PLD5: variants seen among roughly 807,000 people sequenced by gnomAD.
The protein encoded by PLD5 is phospholipase D family member 5.
Under a neutral mutation model 61.1 loss-of-function variants are expected in PLD5, and 36 were observed. The observed-to-expected ratio is 0.59, with a 90% CI of 0.45 to 0.78. PLD5 has a LOEUF of 0.78. Among genes scored for constraint, PLD5 ranks in the 30% least tolerant of loss-of-function variants. The pLI, the probability that PLD5 is intolerant of heterozygous loss-of-function variation, is 0.00. For synonymous variants in PLD5, 243 were observed against 242.8 expected, an observed-to-expected ratio of 1.00 and a Z score of -0.01; for missense variants, 515 against 644.4, an observed-to-expected ratio of 0.80 and a Z score of 2.17.
intron 1 of PLD5, among the ~76,000 whole-genome samples, chr1:242,420,105 T>C (rs1467346762): frequency 1.3e-5 from 2 of 152,126 alleles, no homozygotes; most frequent in African/African-American, 2.4e-5. Context: ...AATAATACCA[T>C]CTCCTATGGA....
chr1:242,525,030 A>T (rs555360510), upstream of PLD5, among the ~76,000 whole-genome samples: 3 of 147,430 alleles, frequency 2.0e-5, no homozygotes, highest in South Asian at 6.5e-4. Flanking sequence ...CCCTTCCCCC[A>T]TCTCTATCCA....
chr1:242,111,256 C>A (rs931847049), intron 7 of PLD5, among the ~76,000 whole-genome samples: 1 of 152,038 alleles, frequency 6.6e-6, no homozygotes, highest in Admixed American at 6.6e-5. Context: ...GGGTTTTCAC[C>A]ATGTTGGCCA....
chr1:242,398,976 A>C (rs778278391), intron 1 of PLD5, among the ~76,000 whole-genome samples: 1 of 152,194 alleles, frequency 6.6e-6, no homozygotes, highest in Non-Finnish European at 1.5e-5. Flanking sequence ...ACAGGGATCA[A>C]TCCAAGGAAG....
intron 1 of PLD5, among the ~76,000 whole-genome samples, chr1:242,523,386 C>G (rs957319419): frequency 1.1e-4 from 16 of 151,678 alleles, no homozygotes; most frequent in African/African-American, 3.6e-4. Flanking sequence ...AGGAGCTCAA[C>G]TCCAGAGCCA....
chr1:242,350,680 C>T (rs1187630164), intron 1 of PLD5, among the ~76,000 whole-genome samples: 1 of 152,098 alleles, frequency 6.6e-6, no homozygotes, highest in Non-Finnish European at 1.5e-5. Context: ...TTTCTGTGAC[C>T]AGGCACTGTC....
In PLD5 at chr1:242,211,577, G is replaced by A. The variant is rs764394347; in HGVS notation, c.735+8411C>T. ...AAAACTCTCTTCGGCTGCTGGTGCC[G>A]GCCGCCCCCTGGCCTGCTCTTTCAC... On this transcript the variant is annotated intron_variant, in intron 5 of 9. Transcript: ENST00000536534. Among the ~76,000 whole-genome samples the A allele has an allele frequency of 5.9e-5, 9 of 152,090 alleles. 1 individual carries two copies. The highest frequency in any genetic ancestry group is 4.1e-4 in the South Asian group (2 of 4,826).
intron 5 of PLD5, among the ~76,000 whole-genome samples, chr1:242,165,602 A>G (rs1398009265): frequency 6.6e-6 from 1 of 152,238 alleles, no homozygotes; most frequent in Admixed American, 6.5e-5. Context: ...GATTAAGGAA[A>G]AGATAAAAGC....
At chr1:242,342,953 A>G (rs1246537323) in intron 2 of PLD5, among the ~76,000 whole-genome samples, 1 of 152,204 alleles carries the variant, frequency 6.6e-6, no homozygotes, top group Non-Finnish European at 1.5e-5. Context: ...AAAACAAGAC[A>G]AAAAATCATA....
intron 7 of PLD5, among the ~76,000 whole-genome samples, chr1:242,112,782 G>T (rs1661631693): frequency 1.3e-5 from 2 of 152,074 alleles, no homozygotes; most frequent in Non-Finnish European, 2.9e-5. Context: ...AAAGGCCTGG[G>T]GTTGCACTCC....
At chr1:242,512,203 A>G (rs1399776530) in intron 1 of PLD5, among the ~76,000 whole-genome samples, 1 of 151,606 alleles carries the variant, frequency 6.6e-6, no homozygotes, top group African/African-American at 2.4e-5. Context: ...CGAGGTCAGG[A>G]GATCGAGACC....
chr1:242,502,911 A>G (rs555445118), intron 1 of PLD5, among the ~76,000 whole-genome samples: 1 of 152,176 alleles, frequency 6.6e-6, no homozygotes, highest in South Asian at 2.1e-4. Context: ...AAATACAAAA[A>G]TTAGCCTGGC....
At chr1:242,385,650 C>T (rs770466030) in intron 1 of PLD5, among the ~76,000 whole-genome samples, 1 of 152,060 alleles carries the variant, frequency 6.6e-6, no homozygotes, top group Non-Finnish European at 1.5e-5. Flanking sequence ...GGTCTGATCA[C>T]CCCAACACTA....
At chr1:242,220,316 G>C (rs985976385) in intron 4 of PLD5, among the ~76,000 whole-genome samples, 1 of 150,262 alleles carries the variant, frequency 6.7e-6, no homozygotes, top group Non-Finnish European at 1.5e-5. Context: ...TAAAAGAAAA[G>C]AAAAGAAAAG....
intron 4 of PLD5, among the ~76,000 whole-genome samples, chr1:242,264,521 T>G (rs1486544436): frequency 6.6e-6 from 1 of 152,106 alleles, no homozygotes; most frequent in African/African-American, 2.4e-5. Context: ...CTTAAAAATG[T>G]GGGGAAGACG....
At chr1:242,216,795 C>A (rs1396010462) in intron 5 of PLD5, among the ~76,000 whole-genome samples, 1 of 152,218 alleles carries the variant, frequency 6.6e-6, no homozygotes, top group Non-Finnish European at 1.5e-5. Flanking sequence ...CCCCCACACA[C>A]TTTCATAGCT....
chr1:242,251,114 G>C (rs1436952874), intron 4 of PLD5, among the ~76,000 whole-genome samples: 7 of 152,188 alleles, frequency 4.6e-5, no homozygotes. Context: ...CATTGATTTT[G>C]AGGTATTCCG....
rs1659379126 is a variant in PLD5, at chr1:242,084,756, T to TG, written c.*5097_*5098insC. On this transcript the variant is annotated 3_prime_UTR_variant, in exon 10 of 10. Transcript: ENST00000536534. ...ATGAACATTTATTGGAAAGGTTTTT[T>TG]TTTTTTTTTTTTTTTTTTTTTTAGA... 2 of 144,360 alleles carry TG rather than the reference T, an allele frequency of 1.4e-5. No homozygotes were observed. Among genetic ancestry groups the TG allele is most frequent in the Admixed American group, 1.4e-4 (2 of 14,516 alleles). The allele number at this position is 144,360 out of a possible 1,614,324, so 8.9% of individuals were successfully genotyped here.
intron 5 of PLD5, among the ~76,000 whole-genome samples, chr1:242,197,894 A>G (rs1390713409): frequency 6.6e-6 from 1 of 152,130 alleles, no homozygotes; most frequent in Non-Finnish European, 1.5e-5. Context: ...TCGGTCTCCC[A>G]AAGTGCTGGG....
At chr1:242,530,420 G>A in the PLD5 span, among the ~76,000 whole-genome samples, 1 of 152,194 alleles carries the variant, frequency 6.6e-6, no homozygotes, top group African/African-American at 2.4e-5. Context: ...GTAGAAAATA[G>A]GATAGTTGAA....
Sources: gnomAD v4.1 joint callset for allele counts (sites outside exome capture counted in the v4.1 genomes callset) on GRCh38, gnomAD v4.1.1 for gene constraint, MANE v1.5 for transcripts, NCBI Gene and HGNC (gene_info 2026-07-23, HGNC 2026-07-21) for gene names.